The following MAST4 variants were observed in gnomAD, a reference collection of about 807,000 sequenced individuals.
MAST4 encodes microtubule associated serine/threonine kinase family member 4, also known as microtubule-associated serine/threonine-protein kinase 4.
In MAST4, 89 loss-of-function variants were observed where a neutral mutation model predicts 162.7. The ratio of observed to expected loss-of-function variants is 0.55; its 90% CI spans 0.46 to 0.65. MAST4 has a LOEUF of 0.65. Among genes scored for constraint, MAST4 ranks in the 30% least tolerant of loss-of-function variants. MAST4 has a pLI of 0.00. For missense variants in MAST4, 3,153 were observed against 3,374.0 expected, an observed-to-expected ratio of 0.93 and a Z score of 1.62; for synonymous variants, 1,479 against 1,361.1, an observed-to-expected ratio of 1.09 and a Z score of -1.91.
intron 1 of MAST4, among the ~76,000 whole-genome samples, chr5:66,716,709 C>A (rs755810392): frequency 4.6e-5 from 7 of 152,056 alleles, no homozygotes; most frequent in African/African-American, 1.7e-4. Flanking sequence ...TTTTAAAATT[C>A]TTTGTAGACC....
intron 15 of MAST4, among the ~76,000 whole-genome samples, chr5:67,130,993 A>G (rs79862516): frequency 0.012 from 1,888 of 152,306 alleles, 39 homozygotes; most frequent in African/African-American, 0.041. Flanking sequence ...CATAAAGTTA[A>G]TAAGATGAAT....
rs765468820 is a variant in MAST4 at position 66,788,697 on chromosome 5, C to G, written c.545C>G (p.Ala182Gly). The G allele has an allele frequency of 1.9e-6, 3 of 1,612,360 alleles. No individual in the cohort carries two copies. The Admixed American group carries it at 5.0e-5, about 27-fold the overall frequency. Residue 182 changes from alanine (A) to glycine (G), a missense_variant, in exon 3 of 29, where the codon GCG becomes GGG. Physicochemically the swap from Ala to Gly is moderately conservative, Grantham distance 60. This residue lies in a region of MAST4 where 327 missense variants were observed against 336.5 expected (regional missense o/e 0.97). Transcript: ENST00000403625. The part of the protein sequence containing the change: ...TGRYLLPNPV[A>G]GQAWPASAET... ...AGGTACCTTCTTCCAAACCCGGTGG[C>G]GGGACAGGCCTGGCCGGCCTCTGCA...
intron 1 of MAST4, among the ~76,000 whole-genome samples, chr5:66,679,406 C>T (rs934115941): frequency 6.6e-6 from 1 of 152,178 alleles, no homozygotes; most frequent in African/African-American, 2.4e-5. Flanking sequence ...AGAGAGACAT[C>T]GGGAGCACTG....
chr5:66,776,854 A>C (rs886155473), intron 2 of MAST4, among the ~76,000 whole-genome samples: 4 of 152,156 alleles, frequency 2.6e-5, no homozygotes, highest in African/African-American at 9.7e-5. Flanking sequence ...ATGTGCACCC[A>C]CACACAGCAG....
At chr5:66,967,073 A>G (rs988611761) in intron 4 of MAST4, among the ~76,000 whole-genome samples, 3 of 152,180 alleles carry the variant, frequency 2.0e-5, no homozygotes, top group Non-Finnish European at 2.9e-5. Context: ...CAGAAAAAGC[A>G]TGTTTTGTAT....
intron 5 of MAST4, among the ~76,000 whole-genome samples, chr5:67,083,159 C>G (rs1353597469): frequency 6.6e-6 from 1 of 152,172 alleles, no homozygotes; most frequent in Non-Finnish European, 1.5e-5. Context: ...CTTGGCACAT[C>G]ACGTATTATT....
chr5:67,029,091 C>T (rs141788731), intron 4 of MAST4, among the ~76,000 whole-genome samples: 383 of 151,568 alleles, frequency 2.5e-3, no homozygotes, highest in Middle Eastern at 0.014. Flanking sequence ...GCCATGATCA[C>T]GTAACTACAC....
intron 2 of MAST4, among the ~76,000 whole-genome samples, chr5:66,775,733 G>A (rs1188599541): frequency 6.6e-6 from 1 of 152,174 alleles, no homozygotes; most frequent in African/African-American, 2.4e-5. Context: ...TCATAAGGGA[G>A]GAGGGAGAGC....
At chr5:67,107,200 C>T (rs181387298) in intron 10 of MAST4, among the ~76,000 whole-genome samples, 1 of 152,160 alleles carries the variant, frequency 6.6e-6, no homozygotes, top group East Asian at 1.9e-4. Context: ...ATAGGCATGC[C>T]CTGAAAAGGG....
chr5:66,914,212 A>G (rs1763957780), intron 4 of MAST4, among the ~76,000 whole-genome samples: 1 of 152,212 alleles, frequency 6.6e-6, no homozygotes. Context: ...AGCTATGAAA[A>G]GTTGACCAGT....
intron 8 of MAST4, among the ~76,000 whole-genome samples, chr5:67,102,189 T>C (rs1765102655): frequency 2.0e-5 from 3 of 152,142 alleles, no homozygotes; most frequent in Non-Finnish European, 4.4e-5. Flanking sequence ...TATTTTATTT[T>C]GCAGTTTGTT....
chr5:66,865,105 G>A (rs967296962), intron 3 of MAST4, among the ~76,000 whole-genome samples: 1 of 152,202 alleles, frequency 6.6e-6, no homozygotes, highest in Non-Finnish European at 1.5e-5. Context: ...TGGGTAGATG[G>A]TGGTGTTCTT....
intron 16 of MAST4, among the ~76,000 whole-genome samples, chr5:67,133,206 G>A (rs926585900): frequency 6.6e-6 from 1 of 151,890 alleles, no homozygotes; most frequent in African/African-American, 2.4e-5. Flanking sequence ...AAAATGGAAA[G>A]GGATCAGAGT....
chr5:66,656,792 C>G (rs764021980), intron 1 of MAST4, among the ~76,000 whole-genome samples: 1 of 152,140 alleles, frequency 6.6e-6, no homozygotes, highest in Non-Finnish European at 1.5e-5. Context: ...AAATGTTAGG[C>G]CCACATGTAT....
chr5:67,065,190 G>T (rs1344584861), intron 5 of MAST4, among the ~76,000 whole-genome samples: 1 of 152,048 alleles, frequency 6.6e-6, no homozygotes, highest in Non-Finnish European at 1.5e-5. Context: ...TTTGTTCTAA[G>T]ATATGATCAG....
At chr5:66,666,847 T>TA (rs1471282732) in intron 1 of MAST4, among the ~76,000 whole-genome samples, 3 of 152,206 alleles carry the variant, frequency 2.0e-5, no homozygotes, top group African/African-American at 4.8e-5. Context: ...GCATAGCTAG[T>TA]AAAGGGGCCA....
intron 3 of MAST4, among the ~76,000 whole-genome samples, chr5:66,829,966 G>A (rs1274177049): frequency 2.0e-5 from 3 of 152,144 alleles, no homozygotes; most frequent in African/African-American, 7.2e-5. Flanking sequence ...CCTCCTTAAT[G>A]AATTTCAGTG....
intron 24 of MAST4, 140 bp from the exon 25 acceptor site, chr5:67,152,497 T>C: frequency 1.5e-6 from 1 of 668,316 alleles, no homozygotes; most frequent in South Asian, 1.8e-5. Flanking sequence ...TATTATTTCA[T>C]CTTCATTTTG....
At chr5:66,828,894 C>T (rs759685356) in intron 3 of MAST4, 2 of 1,588,504 alleles carry the variant, frequency 1.3e-6, no homozygotes, top group Non-Finnish European at 1.7e-6. Context: ...TAGGAGACTG[C>T]TCCATTCTTG....
Sources: gnomAD v4.1 joint callset for allele counts (sites outside exome capture counted in the v4.1 genomes callset) on GRCh38, gnomAD v4.1.1 for gene constraint, gnomAD v4.1.1 regional missense constraint, MANE v1.5 for transcripts, NCBI Gene and HGNC (gene_info 2026-07-23, HGNC 2026-07-21) for gene names.